Variants in SNRK observed in about 807,000 individuals in gnomAD.
SNRK encodes the protein SNF related kinase.
Under a neutral mutation model 48.2 loss-of-function variants are expected in SNRK, and 3 were observed. That is an observed-to-expected ratio of 0.06 (90% CI 0.03 to 0.16). The LOEUF (loss-of-function observed/expected upper bound fraction) is 0.16, where lower values mean the gene tolerates loss of function less well. Ranked by LOEUF, SNRK falls within the 10% of genes least tolerant of loss-of-function variation. The probability of loss-of-function intolerance (pLI) is 1.00; values close to 1 mark genes in which losing one functional copy is unlikely to be tolerated. For missense variants in SNRK, 627 were observed against 976.0 expected (o/e 0.64, Z 4.76); for synonymous variants, 376 against 366.1 (o/e 1.03, Z -0.31).
chr3:43,331,004 G>T (rs1296241382), intron 3 of SNRK, among the ~76,000 whole-genome samples: 1 of 152,100 alleles, frequency 6.6e-6, no homozygotes, highest in Non-Finnish European at 1.5e-5. Context: ...CCAAGGAAAA[G>T]ATATTTTATT....
At position 43,348,443 on chromosome 3, in the gene SNRK, T is replaced by A; in HGVS notation, c.2184T>A (p.Asn728Lys). 1 of 1,612,008 alleles carries A rather than the reference T, an allele frequency of 6.2e-7. No individual in the cohort carries two copies. The highest frequency in any genetic ancestry group is 8.5e-7 in the Non-Finnish European group (1 of 1,179,132). The change falls in exon 7 of 7, where the codon AAT becomes AAA. Residue 728 changes from asparagine (N) to lysine (K), a missense_variant. Physicochemically the swap from Asn to Lys is moderately conservative, Grantham distance 94 (BLOSUM62 0). This residue lies in a region of SNRK where 207 missense variants were observed against 234.3 expected (regional missense o/e 0.88). Transcript: ENST00000296088. ...GGATAAAGAGCAAGAACCTGAAAAA[T>A]AACGTGCTGCAGCTACCTCTGTGCG... Reference protein sequence around the residue: ...LERIKSKNLKNNVLQLPLCEK... With the variant: ...LERIKSKNLKKNVLQLPLCEK...
At chr3:43,316,658 C>A (rs2125629236) in intron 3 of SNRK, among the ~76,000 whole-genome samples, 1 of 151,424 alleles carries the variant, frequency 6.6e-6, no homozygotes, top group Non-Finnish European at 1.5e-5. Flanking sequence ...CATTTTTAAC[C>A]ACTCTCTGCT....
At chr3:43,286,754 C>T (rs2090766726) in intron 1 of SNRK, 79 bp downstream of exon 1, 1 of 148,164 alleles carries the variant, frequency 6.7e-6, no homozygotes, top group South Asian at 2.1e-4. Context: ...GCCTCAGTAG[C>T]CTCCGCTGTT....
chr3:43,335,524 C>T (rs772174844), intron 4 of SNRK, among the ~76,000 whole-genome samples: 1 of 151,880 alleles, frequency 6.6e-6, no homozygotes, highest in Non-Finnish European at 1.5e-5. Flanking sequence ...TCTTTTTGTT[C>T]TGGAAAATAG....
At chr3:43,344,056 G>GTTGT (rs2091256971) in intron 6 of SNRK, among the ~76,000 whole-genome samples, 1 of 152,136 alleles carries the variant, frequency 6.6e-6, no homozygotes, top group South Asian at 2.1e-4. Context: ...ACCTCATGGG[G>GTTGT]TTGTGGAGAG....
rs2091299931 is a variant in SNRK at position 43,348,753 on chromosome 3, G to A, written c.*196G>A. 3 of 471,998 alleles carry A rather than the reference G, an allele frequency of 6.4e-6. No individual in the cohort carries two copies. The highest frequency in any genetic ancestry group is 2.0e-5 in the African/African-American group (1 of 49,816). 29.2% of individuals were successfully genotyped at this position (471,998 alleles called of 1,614,324 possible). On this transcript the variant is annotated 3_prime_UTR_variant, in exon 7 of 7. Coordinates refer to ENST00000296088, the MANE Select transcript of SNRK (RefSeq NM_017719.5). The stretch of plus-strand genomic sequence containing the variant: ...TGCTAGACACTTTTCTTTCCCAGCC[G>A]AAAAGCCTATTATGTAATTTTTACA...
intron 3 of SNRK, among the ~76,000 whole-genome samples, chr3:43,330,658 G>A (rs1392648384): frequency 6.6e-6 from 1 of 152,196 alleles, no homozygotes; most frequent in African/African-American, 2.4e-5. Context: ...TTTGAATGGG[G>A]ATGGCTCTCT....
At chr3:43,305,223 A>G (rs1207161811) in intron 3 of SNRK, among the ~76,000 whole-genome samples, 2 of 152,184 alleles carry the variant, frequency 1.3e-5, no homozygotes, top group South Asian at 2.1e-4. Context: ...AAAGGTAAAG[A>G]TGTACACATC....
chr3:43,331,121 A>G (rs1025802251), intron 3 of SNRK, among the ~76,000 whole-genome samples: 1 of 152,208 alleles, frequency 6.6e-6, no homozygotes, highest in African/African-American at 2.4e-5. Context: ...GACAAAGGCC[A>G]TGTGGTCTGC....
At chr3:43,289,408 G>A (rs2090792031) in intron 1 of SNRK, among the ~76,000 whole-genome samples, 1 of 152,148 alleles carries the variant, frequency 6.6e-6, no homozygotes, top group Admixed American at 6.5e-5. Context: ...CATTTGAAAA[G>A]GAAGGAGGGA....
intron 6 of SNRK, among the ~76,000 whole-genome samples, chr3:43,344,856 G>T (rs1033491240): frequency 6.6e-6 from 1 of 152,046 alleles, no homozygotes; most frequent in African/African-American, 2.4e-5. Context: ...CAGGTGCACC[G>T]AGACTGGAGC....
intron 5 of SNRK, among the ~76,000 whole-genome samples, chr3:43,340,944 G>A (rs959221705): frequency 6.6e-6 from 1 of 152,128 alleles, no homozygotes; most frequent in Non-Finnish European, 1.5e-5. Flanking sequence ...GTTTTATTGG[G>A]CCACAGCCAT....
intron 3 of SNRK, among the ~76,000 whole-genome samples, chr3:43,316,596 C>CT (rs2091014779): frequency 6.6e-6 from 1 of 151,878 alleles, no homozygotes; most frequent in Non-Finnish European, 1.5e-5. Context: ...AGGAATATTT[C>CT]TTTTTTGATG....
chr3:43,311,965 A>T (rs2090981927), intron 3 of SNRK, among the ~76,000 whole-genome samples: 1 of 152,198 alleles, frequency 6.6e-6, no homozygotes, highest in Non-Finnish European at 1.5e-5. Context: ...CAATAGTTGT[A>T]AAACCCTGAC....
intron 3 of SNRK, among the ~76,000 whole-genome samples, chr3:43,327,150 A>G (rs2091102944): frequency 6.6e-6 from 1 of 152,220 alleles, no homozygotes; most frequent in South Asian, 2.1e-4. Flanking sequence ...AAAGCTCTAC[A>G]TGATTTTGAA....
At chr3:43,346,361 C>G (rs986706328) in intron 6 of SNRK, among the ~76,000 whole-genome samples, 2 of 152,092 alleles carry the variant, frequency 1.3e-5, no homozygotes, top group African/African-American at 4.8e-5. Context: ...ATTATTATAA[C>G]TATATGACTA....
At chr3:43,288,109 G>C (rs543955896) in intron 1 of SNRK, among the ~76,000 whole-genome samples, 1 of 152,192 alleles carries the variant, frequency 6.6e-6, no homozygotes, top group South Asian at 2.1e-4. Context: ...AGAAATGAGA[G>C]AAATTACATG....
chr3:43,349,459 G>T lies in SNRK; in HGVS notation c.*902G>T, dbSNP rs2091305770. On this transcript the variant is annotated 3_prime_UTR_variant, in exon 7 of 7. Transcript: ENST00000296088. ...GAAGGTGCACACAAATGTTGGCAAA[G>T]TCAAAACCCCATGAATTAAAACCTA... 3 of 151,954 alleles carry T rather than the reference G, an allele frequency of 2.0e-5. No homozygotes were observed. In the South Asian group the frequency reaches 6.2e-4, roughly 31 times the overall value. 9.4% of individuals were successfully genotyped at this position (151,954 alleles called of 1,614,324 possible). A position where few individuals can be genotyped will look rare whatever the true frequency, so the allele number is the denominator to read the frequency against.
At chr3:43,344,310 A>G (rs922878172) in intron 6 of SNRK, among the ~76,000 whole-genome samples, 1 of 152,138 alleles carries the variant, frequency 6.6e-6, no homozygotes, top group African/African-American at 2.4e-5. Context: ...CATTATCATC[A>G]TGAAATTTAT....
Sources: allele counts gnomAD v4.1 joint callset (sites outside exome capture counted in the v4.1 genomes callset), GRCh38; gene constraint gnomAD v4.1.1; regional missense constraint gnomAD v4.1.1; transcripts MANE v1.5; gene names NCBI Gene and HGNC (gene_info 2026-07-23, HGNC 2026-07-21).